The following IL1A variants were observed in gnomAD, a reference collection of about 807,000 sequenced individuals.
The protein encoded by IL1A is interleukin-1 alpha.
Under a neutral mutation model 22.2 loss-of-function variants are expected in IL1A, and 16 were observed. The observed-to-expected ratio is 0.72, with a 90% CI of 0.49 to 1.09. The LOEUF is 1.09. Ranked by LOEUF, IL1A falls within the 50% of genes least tolerant of loss-of-function variation. The probability of loss-of-function intolerance (pLI) is 0.00; values close to 1 mark genes in which losing one functional copy is unlikely to be tolerated. For missense variants in IL1A, 317 were observed against 321.8 expected (o/e 0.99, Z 0.11); for synonymous variants, 113 against 118.5 (o/e 0.95, Z 0.30).
intron 6 of IL1A, among the ~76,000 whole-genome samples, 182 bp downstream of exon 6, chr2:112,777,805 A>G (rs1262453877): frequency 2.6e-5 from 4 of 152,132 alleles, no homozygotes; most frequent in Non-Finnish European, 4.4e-5. Flanking sequence ...TCTCTGTTAT[A>G]TTTTCTCATA....
intron 1 of IL1A, among the ~76,000 whole-genome samples, 191 bp from the exon 2 acceptor site, chr2:112,783,969 C>T (rs1027481993): frequency 6.6e-6 from 1 of 152,210 alleles, no homozygotes; most frequent in Non-Finnish European, 1.5e-5. Context: ...AGATCGTAAA[C>T]TTCTTTTAGA....
At chr2:112,778,193 G>GGTGTGTGTGTGTGTGTGTGT (rs3074430) in intron 5 of IL1A, 82 bp from the exon 6 acceptor site, 4 of 662,654 alleles carry the variant, frequency 6.0e-6, no homozygotes, top group African/African-American at 5.9e-5. Context: ...GTGTGTGCAT[G>GGTGTGTGTGTGTGTGTGTGT]GTGTGTGTGT....
chr2:112,778,144 T>C, intron 5 of IL1A, 33 bp from the exon 6 acceptor site: 1 of 1,594,664 alleles, frequency 6.3e-7, no homozygotes, highest in African/African-American at 1.3e-5. Context: ...AGAAAGTAAA[T>C]TCATTGTATT....
chr2:112,779,448 TGAAAG>T, intron 5 of IL1A, 43 bp downstream of exon 5: 1 of 1,402,150 alleles, frequency 7.1e-7, no homozygotes, highest in Non-Finnish European at 9.8e-7. Context: ...AATAAGTAAA[TGAAAG>T]GAGGGGAGGA....
At chr2:112,779,404 A>G (rs1573252720) in intron 5 of IL1A, 92 bp downstream of exon 5, 1 of 1,051,394 alleles carries the variant, frequency 9.5e-7, no homozygotes, top group East Asian at 2.6e-5. Context: ...CTGAAGAGGT[A>G]TGTTTTTTGC....
chr2:112,781,241 A>G (rs1275824788), intron 4 of IL1A, among the ~76,000 whole-genome samples: 1 of 152,136 alleles, frequency 6.6e-6, no homozygotes. Context: ...TCTCCATTTT[A>G]CAGTAGAGGA....
Position 112,779,493 on chromosome 2 carries a change from T to G in IL1A, c.490+3A>C, listed in dbSNP as rs769203512. 6.4e-7 allele frequency: 1 copy of G among 1,567,446 alleles called. No individual in the cohort carries two copies. Among genetic ancestry groups the G allele is most frequent in the Admixed American group, 1.7e-5 (1 of 58,908 alleles). On this transcript the variant is annotated splice_donor_region_variant and intron_variant, in intron 5 of 6. Coordinates refer to ENST00000263339, the MANE Select transcript of IL1A (RefSeq NM_000575.5). ...AGAAATGTCTGGTGCCATTTTAATG[T>G]ACCTGCTTCATCCAGATTATGTAAT...
chr2:112,781,800 G>A lies in IL1A; in HGVS notation c.123C>T (p.Gly41=). The A allele has an allele frequency of 1.9e-6, 3 of 1,613,502 alleles. No individual in the cohort carries two copies. Among genetic ancestry groups the A allele is most frequent in the Non-Finnish European group, 2.5e-6 (3 of 1,179,408 alleles). The change falls in exon 4 of 7, where the codon GGC becomes GGT. Residue 41 remains glycine, a synonymous_variant. Coordinates refer to ENST00000263339, the MANE Select transcript of IL1A (RefSeq NM_000575.5). The stretch of plus-strand genomic sequence containing the variant: ...GATCCATGCAGCCTTCATGGAGTGG[G>A]CCATAGCTTACATGATAGAAGGATT... ...NQKSFYHVSY[G]PLHEGCMDQS...
intron 6 of IL1A, among the ~76,000 whole-genome samples, chr2:112,775,901 A>G (rs1022437943): frequency 2.6e-5 from 4 of 152,226 alleles, no homozygotes; most frequent in African/African-American, 9.6e-5. Flanking sequence ...TCAAATTCCA[A>G]GTTGAGATGC....
At chr2:112,781,288 G>C (rs887506370) in intron 4 of IL1A, among the ~76,000 whole-genome samples, 1 of 152,106 alleles carries the variant, frequency 6.6e-6, no homozygotes, top group Admixed American at 6.5e-5. Context: ...CATGACCAAG[G>C]AGGCATAGTT....
At chr2:112,778,192 TGGTGTG>T in intron 5 of IL1A, 81 bp from the exon 6 acceptor site, 1 of 945,404 alleles carries the variant, frequency 1.1e-6, no homozygotes, top group South Asian at 1.5e-5. Flanking sequence ...TGTGTGTGCA[TGGTGTG>T]TGTGTGTGTG....
In IL1A at chr2:112,779,495, C is replaced by A; in HGVS notation, c.490+1G>T. The A allele has an allele frequency of 6.4e-7, 1 of 1,563,574 alleles. No homozygotes were observed. Among genetic ancestry groups the A allele is most frequent in the Non-Finnish European group, 8.8e-7 (1 of 1,141,880 alleles). ...AAATGTCTGGTGCCATTTTAATGTA[C>A]CTGCTTCATCCAGATTATGTAATGC... On this transcript the variant is annotated splice_donor_variant, in intron 5 of 6. Transcript: ENST00000263339. LOFTEE classifies it high-confidence loss of function.
chr2:112,779,991 A>G (rs901157443), intron 4 of IL1A, among the ~76,000 whole-genome samples: 1 of 146,988 alleles, frequency 6.8e-6, no homozygotes, highest in African/African-American at 2.6e-5. Context: ...TTTCCCGTCT[A>G]TGTTTTCAAA....
rs1372188181 is a variant in IL1A, at chr2:112,779,565, T to A, written c.421A>T (p.Asn141Tyr). 1.2e-6 allele frequency: 2 copies of A among 1,611,996 alleles called. No individual in the cohort carries two copies. Among genetic ancestry groups the A allele is most frequent in the African/African-American group, 2.7e-5 (2 of 74,886 alleles). ...KYEFILNDAL[N>Y]QSIIRANDQY... is the part of the protein sequence containing the mutation. ...TCATTGGCTCGAATTATACTTTGAT[T>A]GAGGGCGTCATTCAGGATGAATTCG... The change falls in exon 5 of 7, where the codon AAT becomes TAT. Residue 141 changes from asparagine (N) to tyrosine (Y), a missense_variant. Physicochemically the swap from Asn to Tyr is moderately radical, Grantham distance 143 (BLOSUM62 -2). Coordinates refer to ENST00000263339, the MANE Select transcript of IL1A (RefSeq NM_000575.5).
chr2:112,783,164 A>G (rs1681244416), intron 2 of IL1A, among the ~76,000 whole-genome samples: 1 of 152,246 alleles, frequency 6.6e-6, no homozygotes, highest in African/African-American at 2.4e-5. Context: ...CAGATTTCAT[A>G]ATTTATACTT....
intron 1 of IL1A, among the ~76,000 whole-genome samples, 163 bp from the exon 2 acceptor site, chr2:112,783,941 G>A (rs1018248374): frequency 6.6e-6 from 1 of 152,206 alleles, no homozygotes; most frequent in Non-Finnish European, 1.5e-5. Flanking sequence ...AGTTTGCTAT[G>A]TACCTGTCTC....
At chr2:112,784,300 T>A (rs1336051894) in intron 1 of IL1A, 143 bp downstream of exon 1, 2 of 152,980 alleles carry the variant, frequency 1.3e-5, no homozygotes, top group Non-Finnish European at 2.9e-5. Flanking sequence ...CTGACTGTAA[T>A]TCTAGGTCAC....
At chr2:112,782,623 G>A in intron 3 of IL1A, 93 bp downstream of exon 3, 1 of 923,354 alleles carries the variant, frequency 1.1e-6, no homozygotes. Flanking sequence ...TAAAACAAAA[G>A]TATTGAAGAT....
At position 112,775,102 on chromosome 2, in the gene IL1A, T is replaced by C; in HGVS notation, c.781A>G (p.Ile261Val). The C allele has an allele frequency of 6.2e-7, 1 of 1,614,194 alleles. No homozygotes were observed. The highest frequency in any genetic ancestry group is 8.5e-7 in the Non-Finnish European group (1 of 1,180,014). Residue 261 changes from isoleucine to valine, a missense_variant, in exon 7 of 7, where the codon ATC (isoleucine) becomes GTC (valine). By Grantham distance (29) the Ile-to-Val change is conservative. Coordinates refer to ENST00000263339, the MANE Select transcript of IL1A (RefSeq NM_000575.5). ...WVCLAGGPPS[I>V]TDFQILENQA ...TTTTCCAGTATCTGAAAGTCAGTGATAGAGGGTGGCCCCCCTGCCAAGCAC... is the reference window on the plus strand; with the variant it reads ...TTTTCCAGTATCTGAAAGTCAGTGACAGAGGGTGGCCCCCCTGCCAAGCAC...
Sources: gnomAD v4.1 joint callset for allele counts (sites outside exome capture counted in the v4.1 genomes callset) on GRCh38, gnomAD v4.1.1 for gene constraint, MANE v1.5 for transcripts, NCBI Gene and HGNC (gene_info 2026-07-23, HGNC 2026-07-21) for gene names.